PPARA: variants seen among roughly 807,000 people sequenced by gnomAD.
PPARA encodes the protein peroxisome proliferator activated receptor alpha, also known as peroxisome proliferator-activated receptor alpha.
A neutral mutation model predicts 42.2 loss-of-function variants in PPARA; 22 were observed. That is an observed-to-expected ratio of 0.52 (90% confidence interval 0.37 to 0.74). The LOEUF (loss-of-function observed/expected upper bound fraction) is 0.74. PPARA is among the 30% of genes least tolerant of loss of function. The pLI, the probability that PPARA is intolerant of heterozygous loss-of-function variation, is 0.00. For missense variants in PPARA, 465 were observed against 608.2 expected, an observed-to-expected ratio of 0.76 and a Z score of 2.48; for synonymous variants, 242 against 239.3, an observed-to-expected ratio of 1.01 and a Z score of -0.10.
chr22:46,177,160 A>G (rs564161174), intron 3 of PPARA, among the ~76,000 whole-genome samples: 27 of 152,248 alleles, frequency 1.8e-4, no homozygotes, highest in Non-Finnish European at 2.2e-4. Flanking sequence ...GCAGTGAGCC[A>G]AGATCACGCC....
At position 46,225,386 on chromosome 22, in the gene PPARA, G is replaced by T. The variant is rs549724426; in HGVS notation, c.711+5372G>T. ...TCAACAGTGTCTAAAAACATAAGAT[G>T]TTGACCTGTCAGGGGTTGAGAATGT... On this transcript the variant is annotated intron_variant, in intron 7 of 8. Transcript: ENST00000407236. The surrounding 1 kb of genome is among the most constrained non-coding windows in gnomAD (Gnocchi z 4.1). Among the ~76,000 whole-genome samples the T allele has an allele frequency of 6.6e-6, 1 of 152,218 alleles. No homozygotes were observed. The highest frequency in any genetic ancestry group is 6.5e-5 in the Admixed American group (1 of 15,288).
intron 4 of PPARA, among the ~76,000 whole-genome samples, chr22:46,213,934 T>C (rs1391904048): frequency 6.6e-6 from 1 of 152,262 alleles, no homozygotes; most frequent in Non-Finnish European, 1.5e-5. Flanking sequence ...CTTTGTATAT[T>C]ACCACATGTG....
At chr22:46,166,360 G>A (rs941406861) in intron 2 of PPARA, among the ~76,000 whole-genome samples, 4 of 152,232 alleles carry the variant, frequency 2.6e-5, no homozygotes, top group South Asian at 2.1e-4. Context: ...GCTCATGCCT[G>A]TAATCCCAGC....
intron 3 of PPARA, among the ~76,000 whole-genome samples, chr22:46,181,584 G>A (rs1055640901): frequency 1.3e-5 from 2 of 152,150 alleles, no homozygotes; most frequent in African/African-American, 4.8e-5. Context: ...ATGGAATTAA[G>A]TTGTCCCCCC....
chr22:46,153,293 C>T (rs1161856889), intron 2 of PPARA, among the ~76,000 whole-genome samples: 2 of 151,166 alleles, frequency 1.3e-5, no homozygotes, highest in Non-Finnish European at 2.9e-5. Context: ...CCTCAGCCTC[C>T]CGAGTAGCTG....
rs577430555 is a variant in PPARA, at chr22:46,158,452, A to G, written c.-127+6482A>G. 3.3e-5 allele frequency among the ~76,000 whole-genome samples: 5 copies of G among 152,336 alleles called. No homozygotes were observed. In the East Asian group the frequency reaches 9.6e-4, roughly 29 times the overall value. On this transcript the variant is annotated intron_variant, in intron 2 of 8. Coordinates refer to ENST00000407236, the MANE Select transcript of PPARA (RefSeq NM_005036.6). ...TGAATACGTCTGAAGTTATGTGATAACCACGCCAAGGTGACAAATTGCCAA... is the reference window on the plus strand; with the variant it reads ...TGAATACGTCTGAAGTTATGTGATAGCCACGCCAAGGTGACAAATTGCCAA...
rs1935930374 is a variant in PPARA, at chr22:46,232,315, C to G, written c.1159+76C>G. ...CTTGAAAAATTTGACAATGGGAAAT[C>G]CAGTACCAGCCTGAGCTGTTCCAGT... On this transcript the variant is annotated intron_variant, in intron 8 of 8. Coordinates refer to ENST00000407236, the MANE Select transcript of PPARA (RefSeq NM_005036.6). This position sits in a 1 kb window ranked among gnomAD's most constrained non-coding sequence, Gnocchi z 5.3. 1 of 1,454,260 alleles carries G rather than the reference C, an allele frequency of 6.9e-7. No individual in the cohort carries two copies. The highest frequency in any genetic ancestry group is 1.7e-5 in the Admixed American group (1 of 59,802). The allele number at this position is 1,454,260 out of a possible 1,614,324, so 90.1% of individuals were successfully genotyped here.
rs753728121 is a variant in PPARA, at chr22:46,215,212, A to T, written c.248A>T (p.Tyr83Phe). The change falls in exon 5 of 9, where the codon TAT (tyrosine) becomes TTT (phenylalanine). Residue 83 changes from tyrosine to phenylalanine, a missense_variant. This residue lies in a region of PPARA where 152 missense variants were observed against 139.1 expected (regional missense o/e 1.09). Coordinates refer to ENST00000407236, the MANE Select transcript of PPARA (RefSeq NM_005036.6). Reference sequence around the variant, plus strand: ...GCTTCGAGCCCCTCCTCGGTGACTTATCCTGTGGTCCCCGGCAGCGTGGAC... The same window carrying T: ...GCTTCGAGCCCCTCCTCGGTGACTTTTCCTGTGGTCCCCGGCAGCGTGGAC... ...SPASSPSSVT[Y>F]PVVPGSVDES... 2 of 1,614,052 alleles carry T rather than the reference A, an allele frequency of 1.2e-6. No homozygotes were observed. The highest frequency in any genetic ancestry group is 1.7e-6 in the Non-Finnish European group (2 of 1,180,016).
intron 2 of PPARA, chr22:46,176,097 C>A (rs4253659): frequency 0.061 from 9,301 of 152,194 alleles, 360 homozygotes; most frequent in African/African-American, 0.11. Flanking sequence ...CGAAATTGTG[C>A]CACTGTACTC....
At chr22:46,175,021 C>T (rs1487135979) in intron 2 of PPARA, among the ~76,000 whole-genome samples, 3 of 151,786 alleles carry the variant, frequency 2.0e-5, no homozygotes, top group African/African-American at 7.3e-5. Flanking sequence ...AAGTGATTCT[C>T]CTGCCTCAGC....
At chr22:46,151,565 G>C (rs190107165) in intron 1 of PPARA, among the ~76,000 whole-genome samples, 1 of 152,390 alleles carries the variant, frequency 6.6e-6, no homozygotes, top group Admixed American at 6.5e-5. Flanking sequence ...TGTGCTCCAA[G>C]TGTCAGGATT....
chr22:46,182,278 T>C lies in PPARA; in HGVS notation c.-43+5442T>C, dbSNP rs896073570. Among the ~76,000 whole-genome samples the C allele has an allele frequency of 1.3e-5, 2 of 152,226 alleles. No homozygotes were observed. The highest frequency in any genetic ancestry group is 2.9e-5 in the Non-Finnish European group (2 of 68,040). On this transcript the variant is annotated intron_variant, in intron 3 of 8. Transcript: ENST00000407236. The surrounding 1 kb of genome is among the most constrained non-coding windows in gnomAD (Gnocchi z 5.2). Reference sequence around the variant, plus strand: ...TCCTGAATGTCTATAGCTGCTTTATTTATAATAGCTCAGACTTGGAAACCA... The same window carrying C: ...TCCTGAATGTCTATAGCTGCTTTATCTATAATAGCTCAGACTTGGAAACCA...
chr22:46,208,899 CGTGT>C (rs35658961), intron 4 of PPARA, among the ~76,000 whole-genome samples: 4 of 148,710 alleles, frequency 2.7e-5, no homozygotes, highest in African/African-American at 1.0e-4. Flanking sequence ...GAATAGTATT[CGTGT>C]GTGTGTGTGT....
chr22:46,156,613 TG>T lies in PPARA; in HGVS notation c.-127+4644del, dbSNP rs1255987259. ...CAAGTGGTTCCTATGTGTTTGTTTT[TG>T]TTTTTGAGACAGAGTCTCACTCTGT... On this transcript the variant is annotated intron_variant, in intron 2 of 8. Transcript: ENST00000407236. This position sits in a 1 kb window ranked among gnomAD's most constrained non-coding sequence, Gnocchi z 5.2. The T allele has an allele frequency of 6.6e-6, 1 of 152,228 alleles. No individual in the cohort carries two copies. The highest frequency in any genetic ancestry group is 1.5e-5 in the Non-Finnish European group (1 of 68,054). 9.4% of individuals were successfully genotyped at this position (152,228 alleles called of 1,614,324 possible).
chr22:46,185,080 G>C (rs1930480254), intron 3 of PPARA, among the ~76,000 whole-genome samples: 1 of 152,136 alleles, frequency 6.6e-6, no homozygotes, highest in Admixed American at 6.6e-5. Flanking sequence ...GTACTGGTTG[G>C]TGGTTTCCTG....
At chr22:46,154,537 G>A (rs1924961512) in intron 2 of PPARA, among the ~76,000 whole-genome samples, 1 of 151,978 alleles carries the variant, frequency 6.6e-6, no homozygotes, top group Admixed American at 6.6e-5. Context: ...AGGATCCCTT[G>A]AGCCTGAGAA....
At chr22:46,214,800 C>T (rs758160376) in intron 4 of PPARA, among the ~76,000 whole-genome samples, 8 of 143,528 alleles carry the variant, frequency 5.6e-5, no homozygotes, top group African/African-American at 1.0e-4. Context: ...CGGAGATGCT[C>T]AGATCGAAGA....
At chr22:46,214,892 G>A (rs1239837037) in intron 4 of PPARA, among the ~76,000 whole-genome samples, 2 of 152,058 alleles carry the variant, frequency 1.3e-5, no homozygotes, top group African/African-American at 4.8e-5. Flanking sequence ...GGAGATGTGC[G>A]GGTCCAGGGA....
chr22:46,221,938 A>G lies in PPARA; in HGVS notation c.711+1924A>G, dbSNP rs192231713. 1.3e-4 allele frequency among the ~76,000 whole-genome samples: 20 copies of G among 151,138 alleles called. No individual in the cohort carries two copies. The highest frequency in any genetic ancestry group is 3.6e-4 in the African/African-American group (15 of 41,100). Reference sequence around the variant, plus strand: ...TAAAAATACAAAAAATTAGCTGGGCATGGTAGCGGTTGCCTGTAATCCCAG... The same window carrying G: ...TAAAAATACAAAAAATTAGCTGGGCGTGGTAGCGGTTGCCTGTAATCCCAG... On this transcript the variant is annotated intron_variant, in intron 7 of 8. Coordinates refer to ENST00000407236, the MANE Select transcript of PPARA (RefSeq NM_005036.6). The surrounding 1 kb of genome is among the most constrained non-coding windows in gnomAD (Gnocchi z 5.9).
Sources: gnomAD v4.1 joint callset for allele counts (sites outside exome capture counted in the v4.1 genomes callset) on GRCh38, gnomAD v4.1.1 for gene constraint, gnomAD v4.1.1 regional missense constraint, Gnocchi (gnomAD v3.1) non-coding constraint, MANE v1.5 for transcripts, NCBI Gene and HGNC (gene_info 2026-07-23, HGNC 2026-07-21) for gene names.